DMD: variants seen among roughly 807,000 people sequenced by gnomAD.
The protein encoded by DMD is mutant dystrophin.
Under a neutral mutation model 330.1 loss-of-function variants are expected in DMD, and 63 were observed. The ratio of observed to expected loss-of-function variants is 0.19; its 90% CI spans 0.16 to 0.24. The LOEUF (loss-of-function observed/expected upper bound fraction) is 0.24. DMD is among the 10% of genes least tolerant of loss of function. The pLI is 1.00. For missense variants in DMD, 3,344 were observed against 2,684.1 expected, an observed-to-expected ratio of 1.25 and a Z score of -5.43; for synonymous variants, 1,223 against 959.8, an observed-to-expected ratio of 1.27 and a Z score of -5.07.
intron 44 of DMD, among the ~76,000 whole-genome samples, chrX:32,110,079 G>A (rs111837402): frequency 5.4e-5 from 6 of 111,421 alleles, no homozygotes; most frequent in African/African-American, 2.0e-4. Context: ...GAGATTCAGC[G>A]TTATACATTT....
intron 44 of DMD, among the ~76,000 whole-genome samples, chrX:32,106,796 A>G (rs182420057): frequency 8.9e-6 from 1 of 111,817 alleles, no homozygotes; most frequent in Non-Finnish European, 1.9e-5. Context: ...ACTTCACTTC[A>G]TGGTCTCCAC....
chrX:31,614,930 G>A (rs755979232), intron 55 of DMD, among the ~76,000 whole-genome samples: 1 of 111,779 alleles, frequency 8.9e-6, no homozygotes, highest in South Asian at 3.8e-4. Flanking sequence ...ATTATGAAAG[G>A]CACAAGAGAG....
intron 44 of DMD, among the ~76,000 whole-genome samples, chrX:32,142,097 A>G: frequency 9.0e-6 from 1 of 110,981 alleles, no homozygotes; most frequent in African/African-American, 3.3e-5. Context: ...GAGCTATAGA[A>G]TAATGTTAGA....
At chrX:32,581,279 C>A in intron 13 of DMD, among the ~76,000 whole-genome samples, 1 of 112,094 alleles carries the variant, frequency 8.9e-6, no homozygotes, top group East Asian at 2.8e-4. Flanking sequence ...GTAGGTGTAA[C>A]AGAATAGGTA....
At chrX:31,266,572 C>G (rs1894297859) in intron 62 of DMD, among the ~76,000 whole-genome samples, 1 of 112,217 alleles carries the variant, frequency 8.9e-6, no homozygotes, top group African/African-American at 3.2e-5. Flanking sequence ...GAGCCCGTCC[C>G]AAAGCCGAGG....
At chrX:31,784,684 C>T (rs951554758) in intron 50 of DMD, among the ~76,000 whole-genome samples, 2 of 111,112 alleles carry the variant, frequency 1.8e-5, no homozygotes, top group Non-Finnish European at 3.8e-5. Flanking sequence ...ATGATACTCT[C>T]TTCTGACATA....
chrX:32,408,552 A>C (rs1188390629), intron 30 of DMD, among the ~76,000 whole-genome samples: 1 of 111,629 alleles, frequency 9.0e-6, no homozygotes, highest in East Asian at 2.8e-4. Flanking sequence ...AAAAGATTCA[A>C]ATTAACTAGC....
intron 74 of DMD, among the ~76,000 whole-genome samples, chrX:31,151,947 C>A (rs2037466803): frequency 8.9e-6 from 1 of 112,223 alleles, no homozygotes; most frequent in Non-Finnish European, 1.9e-5. Flanking sequence ...TATTTCTTAT[C>A]TTTTTCTGTG....
chrX:31,470,213 T>G (rs1442878113), intron 59 of DMD, among the ~76,000 whole-genome samples: 2 of 111,618 alleles, frequency 1.8e-5, no homozygotes, highest in African/African-American at 6.5e-5. Context: ...TTTGTTCCCT[T>G]GCTGGAGAGG....
chrX:32,381,902 G>A (rs868113931), intron 33 of DMD, among the ~76,000 whole-genome samples: 25 of 110,689 alleles, frequency 2.3e-4, no homozygotes, highest in African/African-American at 7.5e-4. Context: ...TAGGCTCTGC[G>A]ATACGTAGTG....
At chrX:32,405,860 G>A (rs755625969) in intron 30 of DMD, among the ~76,000 whole-genome samples, 5 of 111,594 alleles carry the variant, frequency 4.5e-5, no homozygotes, top group South Asian at 3.8e-4. Flanking sequence ...CCATTTTCAC[G>A]ATATTGACAC....
At chrX:33,070,745 T>A (rs766787747) in intron 1 of DMD, among the ~76,000 whole-genome samples, 74 of 98,165 alleles carry the variant, frequency 7.5e-4, no homozygotes, top group Non-Finnish European at 1.2e-3. Flanking sequence ...AATGTTTCTT[T>A]ACTTCTTAAA....
chrX:31,284,731 T>C (rs2053032357), intron 62 of DMD, among the ~76,000 whole-genome samples: 1 of 107,944 alleles, frequency 9.3e-6, no homozygotes, highest in South Asian at 4.1e-4. Context: ...CCACCTCCTC[T>C]GGCCAAGAAC....
intron 7 of DMD, among the ~76,000 whole-genome samples, chrX:32,797,497 C>G (rs2079559589): frequency 8.9e-6 from 1 of 112,601 alleles, no homozygotes; most frequent in African/African-American, 3.2e-5. Context: ...AGGCAAAATT[C>G]TGTGACAAGA....
chrX:32,361,349 A>AAT (rs1175126843), intron 37 of DMD, among the ~76,000 whole-genome samples: 1 of 111,467 alleles, frequency 9.0e-6, no homozygotes, highest in African/African-American at 3.2e-5. Flanking sequence ...GACTGACTCA[A>AAT]ATATATATAT....
chrX:32,164,286 C>T (rs774465261), intron 44 of DMD, among the ~76,000 whole-genome samples: 6 of 111,658 alleles, frequency 5.4e-5, no homozygotes, highest in Non-Finnish European at 1.1e-4. Context: ...CAGAAGAAGA[C>T]AGGAAAATGT....
intron 2 of DMD, among the ~76,000 whole-genome samples, chrX:32,986,597 G>C (rs1476962694): frequency 1.8e-5 from 2 of 112,194 alleles, no homozygotes; most frequent in South Asian, 7.3e-4. Context: ...AAAGCATCCA[G>C]AGGTCTAAAA....
At chrX:31,850,730 T>A (rs1393233519) in intron 48 of DMD, among the ~76,000 whole-genome samples, 1 of 112,793 alleles carries the variant, frequency 8.9e-6, no homozygotes, top group African/African-American at 3.2e-5. Flanking sequence ...CTGCAGCTGA[T>A]CTGCAGACAC....
At chrX:31,702,985 G>A (rs1051335132) in intron 52 of DMD, among the ~76,000 whole-genome samples, 1 of 108,977 alleles carries the variant, frequency 9.2e-6, no homozygotes, top group African/African-American at 3.4e-5. Context: ...CTCCTGAGTA[G>A]CTGGGATTAC....
Sources: allele counts gnomAD v4.1 joint callset (sites outside exome capture counted in the v4.1 genomes callset), GRCh38; gene constraint gnomAD v4.1.1; transcripts MANE v1.5; gene names NCBI Gene and HGNC (gene_info 2026-07-23, HGNC 2026-07-21).